CERT1: variants seen among roughly 807,000 people sequenced by gnomAD.
CERT1 encodes ceramide transporter 1.
CERT1 carries 31 observed loss-of-function variants against 87.9 expected under a neutral mutation model. The observed-to-expected ratio is 0.35, with a 90% confidence interval of 0.27 to 0.48. CERT1 has a LOEUF of 0.48. Ranked by LOEUF, CERT1 falls within the 20% of genes least tolerant of loss-of-function variation. CERT1 has a pLI of 0.99. For missense variants in CERT1, 487 were observed against 758.0 expected, an observed-to-expected ratio of 0.64 and a Z score of 4.20; for synonymous variants, 289 against 250.9, an observed-to-expected ratio of 1.15 and a Z score of -1.44.
intron 15 of CERT1, among the ~76,000 whole-genome samples, chr5:75,381,495 A>G (rs1761583382): frequency 6.6e-6 from 1 of 151,590 alleles, no homozygotes; most frequent in Non-Finnish European, 1.5e-5. Context: ...AGCTGGGACC[A>G]CAGGTGCACA....
At position 75,438,981 on chromosome 5, in the gene CERT1, T is replaced by C. The variant is rs149053651; in HGVS notation, c.349-12503A>G. Among the ~76,000 whole-genome samples, 34 of 151,936 alleles carry C rather than the reference T, an allele frequency of 2.2e-4. 1 individual carries two copies. The East Asian group carries it at 6.2e-3, about 28-fold the overall frequency. On this transcript the variant is annotated intron_variant, in intron 3 of 16. Coordinates refer to ENST00000643780, the MANE Select transcript of CERT1 (RefSeq NM_001379029.1). The stretch of plus-strand genomic sequence containing the variant: ...AACATGTTTTTAAATTAACAATCTT[T>C]TGGCCACTAGAGGAGGTCAGTAATA...
At chr5:75,503,278 G>A (rs961413640) in intron 2 of CERT1, among the ~76,000 whole-genome samples, 11 of 151,770 alleles carry the variant, frequency 7.2e-5, no homozygotes, top group African/African-American at 2.2e-4. Context: ...TTCTTTGTAC[G>A]TGAATATTAT....
At chr5:75,449,296 G>A (rs925691017) in intron 3 of CERT1, among the ~76,000 whole-genome samples, 1 of 152,174 alleles carries the variant, frequency 6.6e-6, no homozygotes, top group Non-Finnish European at 1.5e-5. Context: ...ACAAAAAAGA[G>A]AAAAGAAATA....
At chr5:75,414,628 T>A (rs1429443669) in intron 7 of CERT1, among the ~76,000 whole-genome samples, 1 of 152,168 alleles carries the variant, frequency 6.6e-6, no homozygotes, top group African/African-American at 2.4e-5. Context: ...TAAGTACACT[T>A]CTTCTACAGT....
intron 8 of CERT1, among the ~76,000 whole-genome samples, chr5:75,407,760 G>A (rs1236387961): frequency 6.6e-6 from 1 of 151,740 alleles, no homozygotes; most frequent in Non-Finnish European, 1.5e-5. Context: ...AAAAGCCAGT[G>A]CCCTTATACA....
intron 15 of CERT1, among the ~76,000 whole-genome samples, chr5:75,381,678 A>G (rs888148947): frequency 6.6e-6 from 1 of 152,124 alleles, no homozygotes; most frequent in Non-Finnish European, 1.5e-5. Context: ...TGTGGGAAGT[A>G]GCCTACTGCC....
chr5:75,494,787 T>C (rs1766979007), intron 2 of CERT1, among the ~76,000 whole-genome samples: 1 of 152,244 alleles, frequency 6.6e-6, no homozygotes, highest in Non-Finnish European at 1.5e-5. Context: ...TACAATGCTG[T>C]CTTCTGTAGT....
At chr5:75,421,047 A>T (rs1362358752) in intron 5 of CERT1, among the ~76,000 whole-genome samples, 2 of 152,118 alleles carry the variant, frequency 1.3e-5, no homozygotes, top group African/African-American at 2.4e-5. Context: ...GAGCTCAAGC[A>T]ATCTGCCCAC....
chr5:75,477,813 C>G (rs898205826), intron 2 of CERT1, among the ~76,000 whole-genome samples: 10 of 151,860 alleles, frequency 6.6e-5, no homozygotes, highest in African/African-American at 2.4e-4. Context: ...ATGAGTAGAG[C>G]TAATTGTTTT....
intron 13 of CERT1, among the ~76,000 whole-genome samples, chr5:75,385,138 C>G (rs1761733186): frequency 1.3e-5 from 2 of 152,264 alleles, no homozygotes; most frequent in South Asian, 4.1e-4. Flanking sequence ...TGAGAAGTAT[C>G]TATACTTAGG....
rs1370300583 is a variant in CERT1, at chr5:75,474,801, G to A, written c.232-15620C>T. Among the ~76,000 whole-genome samples, 3 of 151,846 alleles carry A rather than the reference G, an allele frequency of 2.0e-5. No homozygotes were observed. The East Asian group carries it at 5.8e-4, about 29-fold the overall frequency. On this transcript the variant is annotated intron_variant, in intron 2 of 16. Transcript: ENST00000643780. Reference sequence around the variant, plus strand: ...GAAACTAGTAGAAGAAAGCTCCTATGCCTTCTTCTACTAGAGGGAGTCTAA... The same window carrying A: ...GAAACTAGTAGAAGAAAGCTCCTATACCTTCTTCTACTAGAGGGAGTCTAA...
chr5:75,426,357 C>T lies in CERT1; in HGVS notation c.456+14G>A. ...TTTATGTTGTTTAACTTAAGGCATCCATTAACTACACACCTTGAATGAAGA... is the reference window on the plus strand; with the variant it reads ...TTTATGTTGTTTAACTTAAGGCATCTATTAACTACACACCTTGAATGAAGA... On this transcript the variant is annotated intron_variant, in intron 4 of 16. Transcript: ENST00000643780. 6.4e-7 allele frequency: 1 copy of T among 1,551,402 alleles called. No individual in the cohort carries two copies. Among genetic ancestry groups the T allele is most frequent in the Non-Finnish European group, 8.9e-7 (1 of 1,123,394 alleles).
At position 75,453,514 on chromosome 5, in the gene CERT1, T is replaced by C. The variant is rs556033818; in HGVS notation, c.348+5551A>G. Among the ~76,000 whole-genome samples the C allele has an allele frequency of 3.3e-5, 5 of 152,310 alleles. No individual in the cohort carries two copies. In the South Asian group the frequency reaches 1.0e-3, roughly 32 times the overall value. On this transcript the variant is annotated intron_variant, in intron 3 of 16. Transcript: ENST00000643780. The stretch of plus-strand genomic sequence containing the variant: ...ATACTTACAGCACAGAATTGCTTCC[T>C]GGCCAAAAGCCCTGGTTCTTGGGTC...
At chr5:75,425,793 A>G (rs1317121010) in intron 4 of CERT1, among the ~76,000 whole-genome samples, 1 of 152,246 alleles carries the variant, frequency 6.6e-6, no homozygotes. Flanking sequence ...GTTTGCAAAT[A>G]TAACATTTGG....
intron 7 of CERT1, among the ~76,000 whole-genome samples, chr5:75,414,372 G>A (rs1157004676): frequency 6.6e-6 from 1 of 152,126 alleles, no homozygotes; most frequent in East Asian, 1.9e-4. Context: ...GTATACTTAA[G>A]ATTGGTACAC....
chr5:75,429,910 G>C (rs992406736), intron 3 of CERT1, among the ~76,000 whole-genome samples: 2 of 150,892 alleles, frequency 1.3e-5, no homozygotes, highest in East Asian at 3.9e-4. Flanking sequence ...CAATGGCAAG[G>C]AACAGCAACA....
At chr5:75,505,313 CAAAA>C (rs919976633) in intron 2 of CERT1, 1 of 152,318 alleles carries the variant, frequency 6.6e-6, no homozygotes, top group African/African-American at 2.4e-5. Context: ...AACAAAAAAA[CAAAA>C]AAAGAACAAC....
intron 4 of CERT1, 47 bp from the exon 5 acceptor site, chr5:75,425,546 G>C (rs1475161759): frequency 6.3e-7 from 1 of 1,589,466 alleles, no homozygotes; most frequent in East Asian, 2.2e-5. Flanking sequence ...AAACAAAACT[G>C]GATTTCATGT....
chr5:75,390,709 CTTAAGT>C (rs939023751), intron 11 of CERT1, among the ~76,000 whole-genome samples: 10 of 152,110 alleles, frequency 6.6e-5, no homozygotes, highest in Admixed American at 1.3e-4. Flanking sequence ...AAATTTTATC[CTTAAGT>C]TTAACTATTT....
Sources: gnomAD v4.1 joint callset for allele counts (sites outside exome capture counted in the v4.1 genomes callset) on GRCh38, gnomAD v4.1.1 for gene constraint, MANE v1.5 for transcripts, NCBI Gene and HGNC (gene_info 2026-07-23, HGNC 2026-07-21) for gene names.